RBFOX1: variants seen among roughly 807,000 people sequenced by gnomAD.
The protein encoded by RBFOX1 is RNA binding protein fox-1 homolog 1.
Under a neutral mutation model 57.7 loss-of-function variants are expected in RBFOX1, and 8 were observed. The ratio of observed to expected loss-of-function variants is 0.14; its 90% CI spans 0.08 to 0.25. The LOEUF is 0.25. Ranked by LOEUF, RBFOX1 falls within the 10% of genes least tolerant of loss-of-function variation. The probability of loss-of-function intolerance (pLI) is 1.00; values close to 1 mark genes in which losing one functional copy is unlikely to be tolerated. For missense variants in RBFOX1, 611 were observed against 548.5 expected, an observed-to-expected ratio of 1.11 and a Z score of -1.14; for synonymous variants, 326 against 222.4, an observed-to-expected ratio of 1.47 and a Z score of -4.15.
chr16:7,254,071 G>A (rs1054105037), intron 4 of RBFOX1, among the ~76,000 whole-genome samples: 2 of 152,130 alleles, frequency 1.3e-5, no homozygotes, highest in Non-Finnish European at 2.9e-5. Context: ...TGGGCATTGT[G>A]TTGTTGTGCT....
intron 1 of RBFOX1, among the ~76,000 whole-genome samples, chr16:6,031,093 G>T (rs932675425): frequency 6.6e-6 from 1 of 152,310 alleles, no homozygotes; most frequent in East Asian, 1.9e-4. Context: ...ATAAAAGAGT[G>T]AGTGACCCTG....
chr16:7,650,829 A>G (rs905838087), intron 11 of RBFOX1, among the ~76,000 whole-genome samples: 6 of 152,312 alleles, frequency 3.9e-5, no homozygotes, highest in South Asian at 2.1e-4. Context: ...GAACTGTGGC[A>G]AGACAGATTT....
chr16:5,714,683 A>T (rs28576743), intron 3 of RBFOX1, among the ~76,000 whole-genome samples: 17,849 of 152,300 alleles, frequency 0.12, 3,490 homozygotes, highest in African/African-American at 0.41. Flanking sequence ...GAGTATAAAC[A>T]GTTTGTGGGT....
At chr16:6,081,039 C>G (rs1333713640) in intron 1 of RBFOX1, among the ~76,000 whole-genome samples, 1 of 152,158 alleles carries the variant, frequency 6.6e-6, no homozygotes, top group Non-Finnish European at 1.5e-5. Context: ...TTGACGGAGT[C>G]ATGTGAGGTT....
intron 12 of RBFOX1, among the ~76,000 whole-genome samples, chr16:7,659,040 A>T: frequency 6.6e-6 from 1 of 152,094 alleles, no homozygotes; most frequent in East Asian, 1.9e-4. Flanking sequence ...TTTTATTATT[A>T]TTCTAAGCCT....
At chr16:5,608,803 A>G (rs1172305996) in intron 3 of RBFOX1, among the ~76,000 whole-genome samples, 1 of 152,092 alleles carries the variant, frequency 6.6e-6, no homozygotes, top group African/African-American at 2.4e-5. Flanking sequence ...CCAGAATCTA[A>G]TTTTGAGCCC....
intron 1 of RBFOX1, among the ~76,000 whole-genome samples, chr16:5,280,232 C>T (rs1228807438): frequency 6.6e-6 from 1 of 152,176 alleles, no homozygotes; most frequent in African/African-American, 2.4e-5. Flanking sequence ...TGTGATGTAT[C>T]ACATGTATTG....
intron 1 of RBFOX1, among the ~76,000 whole-genome samples, chr16:6,231,730 G>T (rs989791071): frequency 6.6e-6 from 1 of 151,976 alleles, no homozygotes; most frequent in African/African-American, 2.4e-5. Context: ...AAGTGGTGTT[G>T]TGTATGCTGT....
chr16:7,707,114 G>A (rs62011896), intron 14 of RBFOX1, among the ~76,000 whole-genome samples: 2 of 152,178 alleles, frequency 1.3e-5, no homozygotes, highest in African/African-American at 2.4e-5. Flanking sequence ...CTTGTTTGAG[G>A]ATCAGGAGAA....
At chr16:5,467,556 C>A (rs943703473) in intron 2 of RBFOX1, among the ~76,000 whole-genome samples, 6 of 152,114 alleles carry the variant, frequency 3.9e-5, no homozygotes, top group African/African-American at 1.4e-4. Context: ...AGGGTGCTTG[C>A]CTATATTTCA....
chr16:5,503,181 A>C (rs8059894), intron 2 of RBFOX1, among the ~76,000 whole-genome samples: 48,670 of 151,980 alleles, frequency 0.32, 13,345 homozygotes, highest in African/African-American at 0.75. Flanking sequence ...GAGAATTAAC[A>C]TCTCTGTGCC....
At chr16:5,995,823 T>C (rs1043219524) in intron 4 of RBFOX1, among the ~76,000 whole-genome samples, 2 of 152,198 alleles carry the variant, frequency 1.3e-5, no homozygotes, top group Non-Finnish European at 2.9e-5. Flanking sequence ...GAAAGTGTCT[T>C]AACCCATTTG....
intron 3 of RBFOX1, among the ~76,000 whole-genome samples, chr16:6,732,132 T>A (rs368503296): frequency 6.6e-6 from 1 of 152,180 alleles, no homozygotes; most frequent in Non-Finnish European, 1.5e-5. Context: ...TTCTGCATAG[T>A]TTCTGGTCTC....
At chr16:5,939,597 G>A (rs911936368) in intron 4 of RBFOX1, among the ~76,000 whole-genome samples, 3 of 152,118 alleles carry the variant, frequency 2.0e-5, no homozygotes, top group Admixed American at 6.5e-5. Context: ...TGCCTTTTAT[G>A]ACACAATTTT....
chr16:6,237,631 A>G (rs762334882), intron 1 of RBFOX1, among the ~76,000 whole-genome samples: 3 of 152,078 alleles, frequency 2.0e-5, no homozygotes, highest in Non-Finnish European at 2.9e-5. Context: ...AATCCCAGCT[A>G]CTTGGGAGGG....
In RBFOX1 at chr16:6,019,518, G is replaced by T. The variant is rs1044475635; in HGVS notation, c.-601G>T. 1.5e-4 allele frequency: 158 copies of T among 1,050,880 alleles called. No individual in the cohort carries two copies. The highest frequency in any genetic ancestry group is 1.8e-4 in the Non-Finnish European group (154 of 872,372). The allele number at this position is 1,050,880 out of a possible 1,614,324, so 65.1% of individuals were successfully genotyped here. A position where few individuals can be genotyped will look rare whatever the true frequency, so the allele number is the denominator to read the frequency against. ...CCCCCAGCAGCACCCGCGGTGGGGC[G>T]GGGGCGCTCTGCCAGCCCCGGGAAC... On this transcript the variant is annotated 5_prime_UTR_variant, in exon 1 of 16. Coordinates refer to ENST00000550418, the MANE Select transcript of RBFOX1 (RefSeq NM_018723.4). This position sits in a 1 kb window ranked among gnomAD's most constrained non-coding sequence, Gnocchi z 4.2.
chr16:5,692,165 CTGTGTGTGTGTGTGTGTGTGTG>C (rs199585814), intron 3 of RBFOX1, among the ~76,000 whole-genome samples: 1 of 22,902 alleles, frequency 4.4e-5, no homozygotes, highest in African/African-American at 5.4e-5. Context: ...TAGGGACTGA[CTGTGTGTGTGTGTGTGTGTGTG>C]TGTGTGTGTG....
intron 1 of RBFOX1, among the ~76,000 whole-genome samples, chr16:6,146,019 T>G (rs1417921057): frequency 6.6e-6 from 1 of 152,194 alleles, no homozygotes; most frequent in Non-Finnish European, 1.5e-5. Context: ...GAGGTTAAGA[T>G]GATAATCTAA....
intron 4 of RBFOX1, among the ~76,000 whole-genome samples, chr16:7,397,524 C>G (rs1409020265): frequency 6.6e-6 from 1 of 152,162 alleles, no homozygotes. Flanking sequence ...GACAGAGGGT[C>G]TCAGAGCCTC....
Sources: gnomAD v4.1 joint callset for allele counts (sites outside exome capture counted in the v4.1 genomes callset) on GRCh38, gnomAD v4.1.1 for gene constraint, Gnocchi (gnomAD v3.1) non-coding constraint, MANE v1.5 for transcripts, NCBI Gene and HGNC (gene_info 2026-07-23, HGNC 2026-07-21) for gene names.